The following DGKI variants were observed in gnomAD, a reference collection of about 807,000 sequenced individuals.
DGKI encodes DAG kinase iota.
A neutral mutation model predicts 147.5 loss-of-function variants in DGKI; 55 were observed. The ratio of observed to expected loss-of-function variants is 0.37; its 90% CI spans 0.30 to 0.47. The LOEUF (loss-of-function observed/expected upper bound fraction) is 0.47. Among genes scored for constraint, DGKI ranks in the 20% least tolerant of loss-of-function variants. DGKI has a pLI of 1.00. For synonymous variants in DGKI, 469 were observed against 477.1 expected, an observed-to-expected ratio of 0.98 and a Z score of 0.22; for missense variants, 1,007 against 1,323.8, an observed-to-expected ratio of 0.76 and a Z score of 3.71.
chr7:137,757,913 G>A (rs73462637), intron 1 of DGKI, among the ~76,000 whole-genome samples: 9,055 of 152,188 alleles, frequency 0.059, 913 homozygotes, highest in African/African-American at 0.21. Flanking sequence ...TTGGAGAATC[G>A]TAACACTCTT....
At chr7:137,533,203 C>A (rs527720231) in intron 20 of DGKI, among the ~76,000 whole-genome samples, 4 of 152,116 alleles carry the variant, frequency 2.6e-5, no homozygotes, top group African/African-American at 7.2e-5. Flanking sequence ...GCGGGAGGAT[C>A]ACTTGAACTC....
chr7:137,779,400 CAGA>C (rs1432502986), intron 1 of DGKI, among the ~76,000 whole-genome samples: 7 of 152,094 alleles, frequency 4.6e-5, no homozygotes, highest in Non-Finnish European at 7.4e-5. Flanking sequence ...TAGAAGAAAA[CAGA>C]AGAAGATCTT....
At chr7:137,419,990 G>A (rs551648410) in intron 28 of DGKI, among the ~76,000 whole-genome samples, 11 of 152,320 alleles carry the variant, frequency 7.2e-5, no homozygotes, top group South Asian at 2.1e-4. Flanking sequence ...TTGGGGCAGC[G>A]TTCTGCAGAG....
In DGKI at chr7:137,431,547, C is replaced by T. The variant is rs148020310; in HGVS notation, c.2761+12530G>A. Among the ~76,000 whole-genome samples, 57 of 152,274 alleles carry T rather than the reference C, an allele frequency of 3.7e-4. 1 individual carries two copies. The East Asian group carries it at 6.2e-3, about 17-fold the overall frequency. On this transcript the variant is annotated intron_variant, in intron 28 of 32. Transcript: ENST00000614521. Reference sequence around the variant, plus strand: ...GTGGCAAGGTGTGGCAACAGAAACTCCATTTGTCATCCCAAAGAGAAACAA... The same window carrying T: ...GTGGCAAGGTGTGGCAACAGAAACTTCATTTGTCATCCCAAAGAGAAACAA...
At chr7:137,819,732 T>C (rs948433189) in intron 1 of DGKI, among the ~76,000 whole-genome samples, 2 of 152,282 alleles carry the variant, frequency 1.3e-5, no homozygotes, top group East Asian at 3.9e-4. Context: ...TCCAAACTCA[T>C]TGTATGGCAA....
intron 21 of DGKI, among the ~76,000 whole-genome samples, chr7:137,499,594 G>T (rs1165849814): frequency 6.6e-6 from 1 of 152,052 alleles, no homozygotes; most frequent in Non-Finnish European, 1.5e-5. Flanking sequence ...ATCTTCTCCT[G>T]CCCTTTGACA....
intron 3 of DGKI, among the ~76,000 whole-genome samples, chr7:137,672,858 G>A (rs1449090877): frequency 7.5e-6 from 1 of 133,528 alleles, no homozygotes; most frequent in Non-Finnish European, 1.5e-5. Flanking sequence ...TCGGCTTACC[G>A]CAACCTCCGC....
At chr7:137,826,338 G>A (rs529066573) in intron 1 of DGKI, among the ~76,000 whole-genome samples, 111 of 152,300 alleles carry the variant, frequency 7.3e-4, no homozygotes, top group African/African-American at 2.4e-3. Flanking sequence ...TAATCCTTCT[G>A]GAACAGGCCT....
intron 1 of DGKI, among the ~76,000 whole-genome samples, chr7:137,724,086 C>G (rs1452551213): frequency 6.6e-6 from 1 of 150,846 alleles, no homozygotes; most frequent in Non-Finnish European, 1.5e-5. Flanking sequence ...GAGAGAGAGA[C>G]AGTCAATTGA....
At chr7:137,715,748 A>T in intron 1 of DGKI, among the ~76,000 whole-genome samples, 1 of 152,338 alleles carries the variant, frequency 6.6e-6, no homozygotes, top group African/African-American at 2.4e-5. Context: ...CTCCCTGATG[A>T]CTAACCAGAC....
At chr7:137,770,424 T>TG (rs1796154116) in intron 1 of DGKI, among the ~76,000 whole-genome samples, 2 of 151,964 alleles carry the variant, frequency 1.3e-5, no homozygotes, top group Non-Finnish European at 2.9e-5. Flanking sequence ...ATGGCACATG[T>TG]ATACCTATGT....
chr7:137,461,061 T>A (rs919578833), intron 27 of DGKI, among the ~76,000 whole-genome samples: 3 of 152,218 alleles, frequency 2.0e-5, no homozygotes, highest in Admixed American at 2.0e-4. Context: ...ATATTTAATG[T>A]GCATGCATAG....
chr7:137,673,607 C>T (rs1242854307), intron 3 of DGKI, among the ~76,000 whole-genome samples: 1 of 152,186 alleles, frequency 6.6e-6, no homozygotes, highest in African/African-American at 2.4e-5. Context: ...CCCAACTTTA[C>T]TCAGTACATA....
chr7:137,833,490 A>G (rs1041855619), intron 1 of DGKI, among the ~76,000 whole-genome samples: 30 of 152,132 alleles, frequency 2.0e-4, no homozygotes, highest in African/African-American at 6.5e-4. Flanking sequence ...TCATACTTCA[A>G]TTACCTCCCA....
At chr7:137,781,554 G>A (rs914403785) in intron 1 of DGKI, among the ~76,000 whole-genome samples, 1 of 152,184 alleles carries the variant, frequency 6.6e-6, no homozygotes. Context: ...AGGGGTGAAG[G>A]AATACTGAGG....
chr7:137,738,629 CT>C (rs1795089081), intron 1 of DGKI, among the ~76,000 whole-genome samples: 1 of 152,036 alleles, frequency 6.6e-6, no homozygotes, highest in African/African-American at 2.4e-5. Flanking sequence ...AGAAAACTTC[CT>C]CTTGTACAGT....
intron 28 of DGKI, among the ~76,000 whole-genome samples, chr7:137,424,173 A>T (rs1290130209): frequency 6.6e-6 from 1 of 152,268 alleles, no homozygotes; most frequent in African/African-American, 2.4e-5. Flanking sequence ...AAATTGATTA[A>T]GCAACATTAT....
rs1819850824 is a variant in DGKI, at chr7:137,597,840, G to T, written c.1311+7C>A. 3 of 1,613,354 alleles carry T rather than the reference G, an allele frequency of 1.9e-6. No individual in the cohort carries two copies. Among genetic ancestry groups the T allele is most frequent in the Middle Eastern group, 1.6e-4 (1 of 6,062 alleles). ...GCAGAGAACTGGATTCTCTCTCAGG[G>T]ACCTACCGTTCCATCCCCACCACAG... On this transcript the variant is annotated splice_region_variant and intron_variant, in intron 12 of 32. Coordinates refer to ENST00000614521, the MANE Select transcript of DGKI (RefSeq NM_001321708.2).
At chr7:137,563,781 A>G (rs1818493762) in intron 19 of DGKI, among the ~76,000 whole-genome samples, 1 of 152,124 alleles carries the variant, frequency 6.6e-6, no homozygotes, top group African/African-American at 2.4e-5. Flanking sequence ...AACATTGTTG[A>G]TGGATATTAA....
Sources: allele counts gnomAD v4.1 joint callset (sites outside exome capture counted in the v4.1 genomes callset), GRCh38; gene constraint gnomAD v4.1.1; transcripts MANE v1.5; gene names NCBI Gene and HGNC (gene_info 2026-07-23, HGNC 2026-07-21).